Variants in ZNF846 observed in about 807,000 individuals in gnomAD.
The protein encoded by ZNF846 is zinc finger protein 420 pseudogene.
Under a neutral mutation model 16.0 loss-of-function variants are expected in ZNF846, and 15 were observed. The ratio of observed to expected loss-of-function variants is 0.94; its 90% CI spans 0.63 to 1.45. The LOEUF is 1.45. ZNF846 is among the 40% of genes most tolerant of loss of function. The pLI is 0.00. For missense variants in ZNF846, 714 were observed against 622.3 expected (o/e 1.15, Z -1.57); for synonymous variants, 229 against 212.0 (o/e 1.08, Z -0.70).
intron 1 of ZNF846, among the ~76,000 whole-genome samples, chr19:9,780,549 A>G (rs1007442890): frequency 6.6e-6 from 1 of 152,030 alleles, no homozygotes; most frequent in Non-Finnish European, 1.5e-5. Flanking sequence ...TCCCAGGTTC[A>G]AGCGATTCTC....
chr19:9,752,998 CA>C (rs1298007433), downstream of ZNF846, among the ~76,000 whole-genome samples: 1 of 149,152 alleles, frequency 6.7e-6, no homozygotes, highest in Non-Finnish European at 1.5e-5. Context: ...CAGTCAGATT[CA>C]GTGTCAGATG....
intron 1 of ZNF846, among the ~76,000 whole-genome samples, chr19:9,773,866 T>C (rs1162939294): frequency 6.6e-6 from 1 of 152,176 alleles, no homozygotes; most frequent in African/African-American, 2.4e-5. Context: ...TGATGTGATA[T>C]TATATATGGA....
chr19:9,779,583 T>C (rs1184003417), intron 1 of ZNF846, among the ~76,000 whole-genome samples: 1 of 151,214 alleles, frequency 6.6e-6, no homozygotes, highest in Non-Finnish European at 1.5e-5. Context: ...TTTTTTTTTT[T>C]TTTTGAGGCC....
chr19:9,777,393 C>T (rs2045456830), intron 1 of ZNF846, among the ~76,000 whole-genome samples: 1 of 151,904 alleles, frequency 6.6e-6, no homozygotes, highest in East Asian at 1.9e-4. Context: ...GAGTTTGGAG[C>T]CGGGTGCGGT....
intron 1 of ZNF846, 22 bp from the exon 2 acceptor site, chr19:9,765,057 T>G: frequency 8.1e-7 from 1 of 1,237,700 alleles, no homozygotes; most frequent in Non-Finnish European, 1.2e-6. Flanking sequence ...AATAATGGCA[T>G]GTCAGTTGGA....
intron 1 of ZNF846, among the ~76,000 whole-genome samples, chr19:9,775,267 A>G (rs2045428375): frequency 6.6e-6 from 1 of 152,000 alleles, no homozygotes; most frequent in Non-Finnish European, 1.5e-5. Context: ...GGAGTTTTGT[A>G]AATTAATTTT....
intron 4 of ZNF846, 29 bp from the exon 5 acceptor site, chr19:9,759,971 G>T: frequency 6.3e-7 from 1 of 1,579,256 alleles, no homozygotes; most frequent in South Asian, 1.1e-5. Flanking sequence ...TGCAGCTTGG[G>T]AGAAAAATTG....
intron 1 of ZNF846, among the ~76,000 whole-genome samples, chr19:9,767,050 C>T (rs2045327637): frequency 6.6e-6 from 1 of 151,444 alleles, no homozygotes; most frequent in South Asian, 2.1e-4. Context: ...TTGTCTCAAA[C>T]TCATAGCTTC....
At chr19:9,755,799 C>CAAAAA (rs538572391), downstream of ZNF846, among the ~76,000 whole-genome samples, 9 of 24,700 alleles carry the variant, frequency 3.6e-4, no homozygotes, top group Middle Eastern at 0.05. Flanking sequence ...GACTCCGTCT[C>CAAAAA]AAAAAAAAAA....
chr19:9,769,295 T>G (rs938108083), upstream of ZNF846, among the ~76,000 whole-genome samples: 13 of 152,056 alleles, frequency 8.5e-5, no homozygotes, highest in African/African-American at 3.1e-4. Context: ...TTCCCTAGGC[T>G]GGTCTCGAAC....
chr19:9,753,982 A>T (rs2045109222), downstream of ZNF846, among the ~76,000 whole-genome samples: 1 of 151,618 alleles, frequency 6.6e-6, no homozygotes, highest in African/African-American at 2.4e-5. Flanking sequence ...TGGTATAATG[A>T]GGTCTCCAAT....
At chr19:9,749,003 G>A (rs577718365), downstream of ZNF846, among the ~76,000 whole-genome samples, 29 of 152,146 alleles carry the variant, frequency 1.9e-4, no homozygotes, top group South Asian at 3.1e-3. Flanking sequence ...CTCTACAACC[G>A]CGATGGACTG....
intron 1 of ZNF846, chr19:9,774,776 A>T (rs2045421277): frequency 6.3e-7 from 1 of 1,580,736 alleles, no homozygotes; most frequent in African/African-American, 1.4e-5. Flanking sequence ...TAGTGCTGAA[A>T]ACTGGAAGCC....
chr19:9,758,589 C>G, exon 6 of ZNF846: 1 of 1,612,748 alleles, frequency 6.2e-7, no homozygotes, highest in Non-Finnish European at 8.5e-7. Flanking sequence ...CTCAGCATGA[C>G]TTTTCTTGTA....
At chr19:9,771,076 A>T (rs2045386104), upstream of ZNF846, among the ~76,000 whole-genome samples, 2 of 152,076 alleles carry the variant, frequency 1.3e-5, no homozygotes, top group Admixed American at 1.3e-4. Flanking sequence ...CGAGCAGTGT[A>T]CAATGTACCC....
chr19:9,758,618 C>G (rs2145199215), exon 6 of ZNF846: 2 of 1,613,060 alleles, frequency 1.2e-6, no homozygotes, highest in African/African-American at 2.7e-5. Context: ...GAGGAAAGTT[C>G]TTTCTTAAGG....
At chr19:9,780,048 G>GTTTGTTTTTTT (rs2045485619) in intron 1 of ZNF846, among the ~76,000 whole-genome samples, 1 of 124,310 alleles carries the variant, frequency 8.0e-6, no homozygotes, top group African/African-American at 3.4e-5. Flanking sequence ...AGCTAATTTT[G>GTTTGTTTTTTT]TTTTTTTTTT....
chr19:9,785,582 GC>G (rs1421850218), intron 1 of ZNF846, among the ~76,000 whole-genome samples: 1 of 68,988 alleles, frequency 1.4e-5, no homozygotes, highest in Non-Finnish European at 2.6e-5. Flanking sequence ...CCGAGTCCCC[GC>G]CCCCATCTCT....
At chr19:9,758,028 G>T (rs2045160217) in exon 6 of ZNF846, 1 of 1,613,246 alleles carries the variant, frequency 6.2e-7, no homozygotes, top group African/African-American at 1.3e-5. Flanking sequence ...AAGGTATGAG[G>T]AATGAATAAA....
Sources: allele counts gnomAD v4.1 joint callset (sites outside exome capture counted in the v4.1 genomes callset), GRCh38; gene constraint gnomAD v4.1.1; transcripts MANE v1.5; gene names NCBI Gene and HGNC (gene_info 2026-07-23, HGNC 2026-07-21).